TMTC3: variants seen among roughly 807,000 people sequenced by gnomAD.
TMTC3 encodes the protein transmembrane O-mannosyltransferase targeting cadherins 3.
In TMTC3, 52 loss-of-function variants were observed where a neutral mutation model predicts 92.2. That is an observed-to-expected ratio of 0.56 (90% CI 0.45 to 0.71). The LOEUF (loss-of-function observed/expected upper bound fraction) is 0.71, where lower values mean the gene tolerates loss of function less well. Among genes scored for constraint, TMTC3 ranks in the 30% least tolerant of loss-of-function variants. The pLI is 0.00. For missense variants in TMTC3, 896 were observed against 1,057.1 expected (o/e 0.85, Z 2.11); for synonymous variants, 339 against 363.3 (o/e 0.93, Z 0.76).
chr12:88,143,799 T>A (rs946081624), intron 1 of TMTC3, among the ~76,000 whole-genome samples: 1 of 152,198 alleles, frequency 6.6e-6, no homozygotes, highest in African/African-American at 2.4e-5. Flanking sequence ...TGGAGGTGCA[T>A]ACACCCCCAT....
rs145876895 is a variant in TMTC3, at chr12:88,176,338, T to C, written c.1432+19T>C. The C allele has an allele frequency of 5.2e-6, 8 of 1,525,034 alleles. No individual in the cohort carries two copies. The highest frequency in any genetic ancestry group is 1.8e-4 in the Middle Eastern group (1 of 5,492). 94.5% of individuals were successfully genotyped at this position (1,525,034 alleles called of 1,614,324 possible). On this transcript the variant is annotated intron_variant, in intron 10 of 13. Transcript: ENST00000266712. Reference sequence around the variant, plus strand: ...CAGCCAGGTAAGCATTATTAACTAATAAAATCATGAATTTTATTTTTTAAA... The same window carrying C: ...CAGCCAGGTAAGCATTATTAACTAACAAAATCATGAATTTTATTTTTTAAA...
At chr12:88,148,051 G>C (rs1209435896) in intron 1 of TMTC3, among the ~76,000 whole-genome samples, 1 of 152,070 alleles carries the variant, frequency 6.6e-6, no homozygotes. Flanking sequence ...GAGGTTACTT[G>C]GCTTTATCCC....
intron 7 of TMTC3, 78 bp from the exon 8 acceptor site, chr12:88,172,518 AT>A (rs2041215392): frequency 1.3e-6 from 1 of 778,432 alleles, no homozygotes; most frequent in African/African-American, 1.8e-5. Flanking sequence ...CAAGTATCAG[AT>A]GCCCATATAT....
intron 8 of TMTC3, among the ~76,000 whole-genome samples, chr12:88,174,222 A>G (rs988323604): frequency 6.6e-6 from 1 of 152,116 alleles, no homozygotes; most frequent in African/African-American, 2.4e-5. Context: ...AACATTTTCA[A>G]ATGTGATCAG....
chr12:88,199,876 C>T lies in TMTC3; in HGVS notation c.*4227C>T, dbSNP rs1188490231. 1 of 152,148 alleles carries T rather than the reference C, an allele frequency of 6.6e-6. No homozygotes were observed. The highest frequency in any genetic ancestry group is 2.4e-5 in the African/African-American group (1 of 41,438). The allele number at this position is 152,148 out of a possible 1,614,324, so 9.4% of individuals were successfully genotyped here. On this transcript the variant is annotated 3_prime_UTR_variant, in exon 14 of 14. Coordinates refer to ENST00000266712, the MANE Select transcript of TMTC3 (RefSeq NM_181783.4). The stretch of plus-strand genomic sequence containing the variant: ...TGTTTCTGCCTTAAATAAAATAACC[C>T]TCAAAAAACCATTCTAGTTTGCCCT...
intron 2 of TMTC3, among the ~76,000 whole-genome samples, chr12:88,151,289 G>A (rs1193525429): frequency 2.0e-5 from 3 of 152,070 alleles, no homozygotes; most frequent in African/African-American, 7.2e-5. Flanking sequence ...CTTGTGCTAA[G>A]GTAACTTCTG....
In TMTC3 at chr12:88,169,350, A is replaced by G. The variant is rs566552075; in HGVS notation, c.1050+2768A>G. Among the ~76,000 whole-genome samples the G allele has an allele frequency of 4.6e-5, 7 of 152,356 alleles. No homozygotes were observed. In the South Asian group the frequency reaches 1.4e-3, roughly 32 times the overall value. ...GTTTTCCTAAAAGAAAGGTTAAAAAAAAAGGAGAGGTAGGGGAATTAAGGT... is the reference window on the plus strand; with the variant it reads ...GTTTTCCTAAAAGAAAGGTTAAAAAGAAAGGAGAGGTAGGGGAATTAAGGT... On this transcript the variant is annotated intron_variant, in intron 7 of 13. Transcript: ENST00000266712.
chr12:88,194,042 T>G (rs1399702917), intron 13 of TMTC3, among the ~76,000 whole-genome samples: 1 of 152,040 alleles, frequency 6.6e-6, no homozygotes. Context: ...GGCAACATAG[T>G]AAAACTCTGT....
intron 8 of TMTC3, 149 bp from the exon 9 acceptor site, chr12:88,174,458 A>T: frequency 1.1e-6 from 1 of 881,534 alleles, no homozygotes; most frequent in Non-Finnish European, 1.6e-6. Context: ...GTATCCTCTA[A>T]AGTTGGGTGT....
intron 1 of TMTC3, among the ~76,000 whole-genome samples, chr12:88,145,606 G>A (rs1565940646): frequency 6.6e-6 from 1 of 152,076 alleles, no homozygotes. Context: ...GAGGGCTTCA[G>A]TATTTAAAGG....
intron 1 of TMTC3, among the ~76,000 whole-genome samples, chr12:88,146,835 AATT>A (rs2040881688): frequency 1.3e-5 from 2 of 150,388 alleles, no homozygotes; most frequent in Non-Finnish European, 3.0e-5. Flanking sequence ...GTATTTAGCT[AATT>A]ATTATACTTT....
At chr12:88,194,099 G>A (rs2041476139) in intron 13 of TMTC3, among the ~76,000 whole-genome samples, 1 of 152,062 alleles carries the variant, frequency 6.6e-6, no homozygotes, top group Non-Finnish European at 1.5e-5. Flanking sequence ...GCACATGCCT[G>A]TAGTCCCAGC....
chr12:88,187,456 T>A (rs1380875673), intron 10 of TMTC3, among the ~76,000 whole-genome samples: 2 of 152,128 alleles, frequency 1.3e-5, no homozygotes, highest in African/African-American at 2.4e-5. Context: ...GTATCTGACT[T>A]TTTTTTAAAC....
At chr12:88,191,165 C>T (rs536520522) in intron 12 of TMTC3, among the ~76,000 whole-genome samples, 2 of 152,052 alleles carry the variant, frequency 1.3e-5, no homozygotes, top group Admixed American at 6.6e-5. Context: ...GTTTTGTAGC[C>T]TGGTCCAGAA....
chr12:88,163,253 T>C (rs1263003882), intron 6 of TMTC3, among the ~76,000 whole-genome samples: 2 of 152,168 alleles, frequency 1.3e-5, no homozygotes, highest in Non-Finnish European at 2.9e-5. Flanking sequence ...GGGACCACAA[T>C]AGCATTTAGG....
intron 10 of TMTC3, among the ~76,000 whole-genome samples, chr12:88,177,252 G>C (rs2041269614): frequency 6.6e-6 from 1 of 151,550 alleles, no homozygotes; most frequent in African/African-American, 2.4e-5. Context: ...CTGGAACCTG[G>C]GAGGCAGAGG....
At chr12:88,158,584 T>C (rs1463448451) in intron 4 of TMTC3, among the ~76,000 whole-genome samples, 1 of 152,142 alleles carries the variant, frequency 6.6e-6, no homozygotes, top group Non-Finnish European at 1.5e-5. Flanking sequence ...TTTTCGGTTA[T>C]TTTTTCCTTC....
intron 11 of TMTC3, 63 bp downstream of exon 11, chr12:88,189,009 T>C (rs2041410088): frequency 1.2e-6 from 1 of 863,808 alleles, no homozygotes; most frequent in Admixed American, 2.6e-5. Flanking sequence ...AATAGAATTA[T>C]CTAGAAGGAA....
rs2041218846 is a variant in TMTC3, at chr12:88,172,711, G to A, written c.1165G>A (p.Val389Ile). 4 of 1,601,062 alleles carry A rather than the reference G, an allele frequency of 2.5e-6. No homozygotes were observed. ...YVPSMGFCILVAHGWQKISTK... is the reference protein window; with the variant it reads ...YVPSMGFCILIAHGWQKISTK... ...TCCCAGCATGGGGTTCTGTATTTTG[G>A]TAGCCCATGGATGGCAGAAAATATC... is the stretch of plus-strand genomic sequence containing the variant. The change falls in exon 8 of 14, where the codon GTA (valine) becomes ATA (isoleucine). Residue 389 changes from valine (V) to isoleucine (I), a missense_variant. Transcript: ENST00000266712.
Sources: gnomAD v4.1 joint callset for allele counts (sites outside exome capture counted in the v4.1 genomes callset) on GRCh38, gnomAD v4.1.1 for gene constraint, MANE v1.5 for transcripts, NCBI Gene and HGNC (gene_info 2026-07-23, HGNC 2026-07-21) for gene names.